SHISA9: variants seen among roughly 807,000 people sequenced by gnomAD.
SHISA9 encodes shisa family member 9.
In SHISA9, 13 loss-of-function variants were observed where a neutral mutation model predicts 38.0. That is an observed-to-expected ratio of 0.34 (90% CI 0.22 to 0.54). The LOEUF is 0.54. Ranked by LOEUF, SHISA9 falls within the 20% of genes least tolerant of loss-of-function variation. SHISA9 has a pLI of 0.91. For synonymous variants in SHISA9, 275 were observed against 242.0 expected (o/e 1.14, Z -1.27); for missense variants, 538 against 575.8 (o/e 0.93, Z 0.67).
chr16:13,320,292 CAAAAAA>C, the SHISA9 span, among the ~76,000 whole-genome samples: 62 of 38,996 alleles, frequency 1.6e-3, no homozygotes, highest in African/African-American at 3.3e-3. Flanking sequence ...GACTCTGTCT[CAAAAAA>C]AAAAAAAAAA....
In SHISA9 at chr16:13,049,156, A is replaced by ATGTGTG. The variant is rs10526925; in HGVS notation, c.691+132385_691+132390dup. On this transcript the variant is annotated intron_variant, in intron 2 of 4. Coordinates refer to ENST00000558583, the MANE Select transcript of SHISA9 (RefSeq NM_001145204.3). ...GCCATTCTAAGCTTTGGTTAGGAGTATGTGTGTGTGTGTGTGTGTGTGTGT... is the reference window on the plus strand; with the variant it reads ...GCCATTCTAAGCTTTGGTTAGGAGTATGTGTGTGTGTGTGTGTGTGTGTGTGTGTGT... Among the ~76,000 whole-genome samples the ATGTGTG allele has an allele frequency of 2.4e-3, 156 of 63,800 alleles. 1 individual carries two copies. Among genetic ancestry groups the ATGTGTG allele is most frequent in the East Asian group, 0.011 (42 of 3,832 alleles). The allele number at this position is 63,800 out of a possible 152,430, so 41.9% of individuals were successfully genotyped here.
chr16:13,550,862 A>G, the SHISA9 span, among the ~76,000 whole-genome samples: 1,270 of 152,252 alleles, frequency 8.3e-3, 18 homozygotes, highest in African/African-American at 0.029. Flanking sequence ...AGTGGCTCAC[A>G]CTTGTAATCC....
intron 2 of SHISA9, among the ~76,000 whole-genome samples, chr16:13,038,075 C>T (rs974687418): frequency 6.6e-5 from 10 of 152,268 alleles, no homozygotes; most frequent in Admixed American, 3.9e-4. Context: ...ACTGCACCTC[C>T]GCCTCCCGAG....
At chr16:13,158,482 G>A (rs1301954740) in intron 2 of SHISA9, among the ~76,000 whole-genome samples, 1 of 152,158 alleles carries the variant, frequency 6.6e-6, no homozygotes. Context: ...GTCCTGGGAG[G>A]ACCCTGCTAT....
Position 12,919,368 on chromosome 16 carries a change from A to G in SHISA9, c.691+2553A>G, listed in dbSNP as rs1027406469. On this transcript the variant is annotated intron_variant, in intron 2 of 4. Coordinates refer to ENST00000558583, the MANE Select transcript of SHISA9 (RefSeq NM_001145204.3). ...TGTGAAACACCAAGAAGGGCACGTC[A>G]TGCTATTTTCAGTTTGTTCTTCACT... 3.9e-5 allele frequency among the ~76,000 whole-genome samples: 6 copies of G among 152,338 alleles called. 1 individual carries two copies. The highest frequency in any genetic ancestry group is 1.3e-4 in the Admixed American group (2 of 15,296).
At chr16:12,938,131 T>G (rs2071558048) in intron 2 of SHISA9, among the ~76,000 whole-genome samples, 1 of 152,208 alleles carries the variant, frequency 6.6e-6, no homozygotes, top group African/African-American at 2.4e-5. Flanking sequence ...AAGCTTAGTG[T>G]AAGAGGGAAA....
At chr16:12,932,553 C>G (rs1011715649) in intron 2 of SHISA9, among the ~76,000 whole-genome samples, 2 of 152,154 alleles carry the variant, frequency 1.3e-5, no homozygotes, top group African/African-American at 4.8e-5. Context: ...GTTGGCCAGG[C>G]TGGTCTCGAG....
At chr16:13,513,345 C>T in the SHISA9 span, among the ~76,000 whole-genome samples, 2 of 152,192 alleles carry the variant, frequency 1.3e-5, no homozygotes, top group African/African-American at 4.8e-5. Context: ...ACAATAGATG[C>T]TGGCGAGGCT....
chr16:13,520,603 C>CAAAAAAAAAA, the SHISA9 span, among the ~76,000 whole-genome samples: 1 of 56,230 alleles, frequency 1.8e-5, no homozygotes, highest in African/African-American at 7.7e-5. Context: ...AACTCTGTCT[C>CAAAAAAAAAA]AAAAAAAAAA....
At chr16:13,053,370 G>T (rs1048313844) in intron 2 of SHISA9, among the ~76,000 whole-genome samples, 2 of 152,082 alleles carry the variant, frequency 1.3e-5, no homozygotes, top group Non-Finnish European at 2.9e-5. Flanking sequence ...ATTACCTCCA[G>T]CATGGTCCAA....
At chr16:12,948,333 A>G (rs1284699411) in intron 2 of SHISA9, among the ~76,000 whole-genome samples, 3 of 152,202 alleles carry the variant, frequency 2.0e-5, no homozygotes, top group African/African-American at 7.2e-5. Context: ...TCTCATCAGT[A>G]AAGGAGGACT....
intron 2 of SHISA9, among the ~76,000 whole-genome samples, chr16:12,982,501 T>G (rs963284553): frequency 2.6e-5 from 4 of 152,334 alleles, no homozygotes; most frequent in Admixed American, 2.6e-4. Flanking sequence ...AATCTCATTT[T>G]CTGGCATTCT....
chr16:13,377,058 C>T, the SHISA9 span, among the ~76,000 whole-genome samples: 1 of 152,318 alleles, frequency 6.6e-6, no homozygotes, highest in Admixed American at 6.5e-5. Context: ...TGCTTCCATC[C>T]TCTCAGGAGG....
chr16:13,269,874 C>T, the SHISA9 span, among the ~76,000 whole-genome samples: 2 of 152,134 alleles, frequency 1.3e-5, no homozygotes. Flanking sequence ...AGGTCTGGAG[C>T]AGAATCCATG....
the SHISA9 span, among the ~76,000 whole-genome samples, chr16:13,482,083 G>T: frequency 1.3e-5 from 2 of 152,164 alleles, no homozygotes; most frequent in African/African-American, 4.8e-5. Context: ...TCCCTGCCCT[G>T]GTGCTGGAAT....
chr16:13,380,379 G>C, the SHISA9 span, among the ~76,000 whole-genome samples: 2 of 152,138 alleles, frequency 1.3e-5, no homozygotes, highest in Non-Finnish European at 2.9e-5. Context: ...CTTTAAAAGA[G>C]AGAAACAGCA....
rs545495549 is a variant in SHISA9, at chr16:13,235,546, A to G, written c.*137A>G. 5 of 1,101,912 alleles carry G rather than the reference A, an allele frequency of 4.5e-6. No homozygotes were observed. Among genetic ancestry groups the G allele is most frequent in the Non-Finnish European group, 6.3e-6 (5 of 796,954 alleles). 68.3% of individuals were successfully genotyped at this position (1,101,912 alleles called of 1,614,324 possible). On this transcript the variant is annotated 3_prime_UTR_variant, in exon 5 of 5. Transcript: ENST00000558583. ...CTCAACAAGAACCAACTCTAAACCT[A>G]CTGGGGACACAGAGTCGCGCTTTTC...
intron 2 of SHISA9, among the ~76,000 whole-genome samples, chr16:13,086,373 A>G (rs1229801684): frequency 5.1e-5 from 7 of 136,970 alleles, no homozygotes; most frequent in Non-Finnish European, 9.5e-5. Flanking sequence ...AAAAAAAAAA[A>G]AAGAAGAAGA....
At chr16:13,265,990 G>A in the SHISA9 span, among the ~76,000 whole-genome samples, 86,689 of 152,084 alleles carry the variant, frequency 0.57, 25,298 homozygotes, top group African/African-American at 0.68. Flanking sequence ...ATAAGATTAG[G>A]AAAGAAAGAT....
Sources: gnomAD v4.1 joint callset for allele counts (sites outside exome capture counted in the v4.1 genomes callset) on GRCh38, gnomAD v4.1.1 for gene constraint, MANE v1.5 for transcripts, NCBI Gene and HGNC (gene_info 2026-07-23, HGNC 2026-07-21) for gene names.